Variants in HTR6 observed in about 807,000 individuals in gnomAD.
HTR6 encodes the protein 5-hydroxytryptamine receptor 6.
HTR6 carries 15 observed loss-of-function variants against 17.4 expected under a neutral mutation model. The observed-to-expected ratio is 0.86, with a 90% CI of 0.58 to 1.33. The LOEUF (loss-of-function observed/expected upper bound fraction) is 1.33. Ranked by LOEUF, HTR6 falls within the 40% of genes most tolerant of loss-of-function variation. The pLI is 0.00. For synonymous variants in HTR6, 326 were observed against 295.5 expected, an observed-to-expected ratio of 1.10 and a Z score of -1.06; for missense variants, 578 against 616.0, an observed-to-expected ratio of 0.94 and a Z score of 0.65.
intron 1 of HTR6, among the ~76,000 whole-genome samples, chr1:19,674,379 A>C (rs1282876940): frequency 6.7e-6 from 1 of 148,334 alleles, no homozygotes; most frequent in Non-Finnish European, 1.5e-5. Context: ...GTGGGAATTC[A>C]CCGTGGTTTA....
intron 1 of HTR6, among the ~76,000 whole-genome samples, chr1:19,668,935 TC>T (rs1374024174): frequency 3.3e-5 from 5 of 152,224 alleles, no homozygotes; most frequent in Non-Finnish European, 5.9e-5. Flanking sequence ...GCCTGCTTTC[TC>T]TTTGTAGCGT....
Position 19,671,272 on chromosome 1 carries a change from C to T in HTR6, c.714+4805C>T, listed in dbSNP as rs918306653. ...GGTCTTCATGGGTTGGTTAGGCCAGCGCCTTACTTCTAAGGCAGAGTGACT... is the reference window on the plus strand; with the variant it reads ...GGTCTTCATGGGTTGGTTAGGCCAGTGCCTTACTTCTAAGGCAGAGTGACT... On this transcript the variant is annotated intron_variant, in intron 1 of 2. Transcript: ENST00000289753. Among the ~76,000 whole-genome samples, 7 of 152,282 alleles carry T rather than the reference C, an allele frequency of 4.6e-5. 1 individual carries two copies. The South Asian group carries it at 1.0e-3, about 23-fold the overall frequency.
At chr1:19,673,709 T>A (rs1383563972) in intron 1 of HTR6, among the ~76,000 whole-genome samples, 1 of 151,994 alleles carries the variant, frequency 6.6e-6, no homozygotes, top group Non-Finnish European at 1.5e-5. Context: ...AAAAAATAAA[T>A]AAATAAATAA....
rs561574228 is a variant in HTR6, at chr1:19,666,830, C to G, written c.714+363C>G. Among the ~76,000 whole-genome samples the G allele has an allele frequency of 2.0e-4, 30 of 152,198 alleles. 1 individual carries two copies. Among genetic ancestry groups the G allele is most frequent in the Admixed American group, 3.3e-4 (5 of 15,280 alleles). Reference sequence around the variant, plus strand: ...CCCTCACCCTCATGCCATTCATTAGCGAGACCTGTTGGCGCTGCTCTAAAC... The same window carrying G: ...CCCTCACCCTCATGCCATTCATTAGGGAGACCTGTTGGCGCTGCTCTAAAC... On this transcript the variant is annotated intron_variant, in intron 1 of 2. Transcript: ENST00000289753. The surrounding 1 kb of genome is among the most constrained non-coding windows in gnomAD (Gnocchi z 4.5).
At chr1:19,668,496 A>G (rs2095084226) in intron 1 of HTR6, among the ~76,000 whole-genome samples, 1 of 152,138 alleles carries the variant, frequency 6.6e-6, no homozygotes, top group African/African-American at 2.4e-5. Flanking sequence ...GGAGTGTTTC[A>G]CAAGCTTCAG....
chr1:19,678,727 T>C lies in HTR6; in HGVS notation c.873+2T>C. ...TTCTTTGTGGCCAACATAGTCCAGG[T>C]AATGCCACGGCAGGGGGCAGGTGAG... On this transcript the variant is annotated splice_donor_variant, in intron 2 of 2. Coordinates refer to ENST00000289753, the MANE Select transcript of HTR6 (RefSeq NM_000871.3). LOFTEE classifies it high-confidence loss of function. 6.2e-7 allele frequency: 1 copy of C among 1,606,136 alleles called. No individual in the cohort carries two copies. The highest frequency in any genetic ancestry group is 8.5e-7 in the Non-Finnish European group (1 of 1,173,672).
chr1:19,676,751 G>A (rs919432332), intron 1 of HTR6, among the ~76,000 whole-genome samples: 1 of 152,172 alleles, frequency 6.6e-6, no homozygotes, highest in Non-Finnish European at 1.5e-5. Flanking sequence ...AGGTTGCCTG[G>A]GAATCTGGCT....
Position 19,679,510 on chromosome 1 carries a change from C to A in HTR6, c.*142C>A. On this transcript the variant is annotated 3_prime_UTR_variant, in exon 3 of 3. Coordinates refer to ENST00000289753, the MANE Select transcript of HTR6 (RefSeq NM_000871.3). The surrounding 1 kb of genome is among the most constrained non-coding windows in gnomAD (Gnocchi z 4.9). ...CTCCAGAGGGGTGCGCAGAGCTGAC[C>A]CCCTGCTGCCATCTCCAGGCCCCTT... The A allele has an allele frequency of 8.0e-7, 1 of 1,248,722 alleles. No individual in the cohort carries two copies. Among genetic ancestry groups the A allele is most frequent in the Non-Finnish European group, 1.1e-6 (1 of 932,936 alleles). 77.4% of individuals were successfully genotyped at this position (1,248,722 alleles called of 1,614,324 possible). A position where few individuals can be genotyped will look rare whatever the true frequency, so the allele number is the denominator to read the frequency against.
chr1:19,679,282 AG>A lies in HTR6; in HGVS notation c.1240del (p.Ala414ProfsTer40). 1 of 1,606,240 alleles carries A rather than the reference AG, an allele frequency of 6.2e-7. No individual in the cohort carries two copies. Among genetic ancestry groups the A allele is most frequent in the Admixed American group, 1.7e-5 (1 of 59,714 alleles). ...EATQDPPLPT[R>X]AAAAVNFFNI... ...CACCCAGGACCCCCCGCTGCCCACCAGGGCCGCTGCCGCCGTCAATTTCTTC... is the reference window on the plus strand; with the variant it reads ...CACCCAGGACCCCCCGCTGCCCACCAGGCCGCTGCCGCCGTCAATTTCTTC... On this transcript the variant is annotated frameshift_variant, in exon 3 of 3. Transcript: ENST00000289753. LOFTEE classifies it low-confidence loss of function (END_TRUNC). The surrounding 1 kb of genome is among the most constrained non-coding windows in gnomAD (Gnocchi z 4.9).
At chr1:19,678,221 G>C (rs2095096716) in intron 1 of HTR6, among the ~76,000 whole-genome samples, 1 of 151,952 alleles carries the variant, frequency 6.6e-6, no homozygotes, top group South Asian at 2.1e-4. Context: ...TGAAATTCTG[G>C]GTCAGGGTCA....
chr1:19,667,711 G>T (rs2095083333), intron 1 of HTR6, among the ~76,000 whole-genome samples: 1 of 152,292 alleles, frequency 6.6e-6, no homozygotes, highest in South Asian at 2.1e-4. Context: ...CTGGGAATGG[G>T]GTAGGTGCTC....
chr1:19,678,552 C>G lies in HTR6; in HGVS notation c.715-15C>G. ...GCCCTTTCTCAACGGACTCATGTGG[C>G]CTTCCTTTCCGCAGGTGCCCAGGAC... is the stretch of plus-strand genomic sequence containing the variant. On this transcript the variant is annotated splice_polypyrimidine_tract_variant and intron_variant, in intron 1 of 2. Transcript: ENST00000289753. 1 of 1,611,908 alleles carries G rather than the reference C, an allele frequency of 6.2e-7. No homozygotes were observed. The highest frequency in any genetic ancestry group is 1.1e-5 in the South Asian group (1 of 90,972).
At chr1:19,668,653 C>G (rs571333444) in intron 1 of HTR6, among the ~76,000 whole-genome samples, 1 of 152,282 alleles carries the variant, frequency 6.6e-6, no homozygotes, top group South Asian at 2.1e-4. Context: ...AGGCTGGCCT[C>G]GAGCTCCCAC....
intron 1 of HTR6, among the ~76,000 whole-genome samples, chr1:19,668,866 A>C (rs1390049860): frequency 6.6e-6 from 1 of 152,270 alleles, no homozygotes; most frequent in African/African-American, 2.4e-5. Flanking sequence ...GTGAAACTGA[A>C]GAAGCTCCAG....
rs201106730 is a variant in HTR6, at chr1:19,678,736, G to A, written c.873+11G>A. 3.8e-5 allele frequency: 61 copies of A among 1,603,254 alleles called. No individual in the cohort carries two copies. Among genetic ancestry groups the A allele is most frequent in the African/African-American group, 3.3e-4 (25 of 74,836 alleles). Reference sequence around the variant, plus strand: ...GCCAACATAGTCCAGGTAATGCCACGGCAGGGGGCAGGTGAGTCCGGCCCT... The same window carrying A: ...GCCAACATAGTCCAGGTAATGCCACAGCAGGGGGCAGGTGAGTCCGGCCCT... On this transcript the variant is annotated intron_variant, in intron 2 of 2. Coordinates refer to ENST00000289753, the MANE Select transcript of HTR6 (RefSeq NM_000871.3).
Position 19,666,582 on chromosome 1 carries a change from G to A in HTR6, c.714+115G>A. ...CATTTGCTCATGGCCCTGCGTGGCT[G>A]TTGTGAGCGCCCACCTTTCTTCTGA... On this transcript the variant is annotated intron_variant, in intron 1 of 2. Coordinates refer to ENST00000289753, the MANE Select transcript of HTR6 (RefSeq NM_000871.3). The surrounding 1 kb of genome is among the most constrained non-coding windows in gnomAD (Gnocchi z 4.5). 1 of 753,016 alleles carries A rather than the reference G, an allele frequency of 1.3e-6. No homozygotes were observed. Among genetic ancestry groups the A allele is most frequent in the Non-Finnish European group, 2.1e-6 (1 of 475,788 alleles). 46.6% of individuals were successfully genotyped at this position (753,016 alleles called of 1,614,324 possible).
At chr1:19,673,653 G>A (rs1463024514) in intron 1 of HTR6, among the ~76,000 whole-genome samples, 4 of 152,152 alleles carry the variant, frequency 2.6e-5, no homozygotes, top group Non-Finnish European at 5.9e-5. Flanking sequence ...AGCCGAGATC[G>A]CGCCATTGCA....
In HTR6 at chr1:19,679,221, G is replaced by T. The variant is rs1283244718; in HGVS notation, c.1176G>T (p.Leu392=). The T allele has an allele frequency of 1.3e-6, 2 of 1,569,120 alleles. No homozygotes were observed. The highest frequency in any genetic ancestry group is 1.7e-6 in the Non-Finnish European group (2 of 1,159,956). The change falls in exon 3 of 3, where the codon CTG becomes CTT. Residue 392 remains leucine, a synonymous_variant. Coordinates refer to ENST00000289753, the MANE Select transcript of HTR6 (RefSeq NM_000871.3). The surrounding 1 kb of genome is among the most constrained non-coding windows in gnomAD (Gnocchi z 4.9). The stretch of plus-strand genomic sequence containing the variant: ...CAGGCTCAGGCGGCTCCTCGGGCCT[G>T]CGGCTCACGGCCCAGCTGCTGCTTC... ...SDAGSGGSSG[L]RLTAQLLLPG...
Position 19,665,340 on chromosome 1 carries a change from C to T in HTR6, c.-414C>T. On this transcript the variant is annotated 5_prime_UTR_variant, in exon 1 of 3. Transcript: ENST00000289753. This position sits in a 1 kb window ranked among gnomAD's most constrained non-coding sequence, Gnocchi z 4.2. ...CCACCTCCCCGCGTTCCCACTTCCC[C>T]GCACTCTGACCCGGCCGGACGCCCC... The T allele has an allele frequency of 5.9e-6, 1 of 168,770 alleles. No homozygotes were observed. The allele number at this position is 168,770 out of a possible 1,614,324, so 10.5% of individuals were successfully genotyped here.
Sources: gnomAD v4.1 joint callset for allele counts (sites outside exome capture counted in the v4.1 genomes callset) on GRCh38, gnomAD v4.1.1 for gene constraint, Gnocchi (gnomAD v3.1) non-coding constraint, MANE v1.5 for transcripts, NCBI Gene and HGNC (gene_info 2026-07-23, HGNC 2026-07-21) for gene names.